The following PCGF2 variants were observed in gnomAD, a reference collection of about 807,000 sequenced individuals.
PCGF2 encodes the protein polycomb group RING finger protein 2.
A neutral mutation model predicts 36.1 loss-of-function variants in PCGF2; 8 were observed. That is an observed-to-expected ratio of 0.22 (90% CI 0.13 to 0.40). The LOEUF is 0.40. Among genes scored for constraint, PCGF2 ranks in the 10% least tolerant of loss-of-function variants. The probability of loss-of-function intolerance (pLI) is 1.00; values close to 1 mark genes in which losing one functional copy is unlikely to be tolerated. For missense variants in PCGF2, 436 were observed against 475.9 expected, an observed-to-expected ratio of 0.92 and a Z score of 0.78; for synonymous variants, 198 against 191.2, an observed-to-expected ratio of 1.04 and a Z score of -0.29.
In PCGF2 at chr17:38,738,743, C is replaced by T; in HGVS notation, c.425+10G>A. 1 of 1,609,600 alleles carries T rather than the reference C, an allele frequency of 6.2e-7. No individual in the cohort carries two copies. The highest frequency in any genetic ancestry group is 8.5e-7 in the Non-Finnish European group (1 of 1,175,940). On this transcript the variant is annotated intron_variant, in intron 7 of 10. Coordinates refer to ENST00000620225, the MANE Select transcript of PCGF2 (RefSeq NM_007144.3). Reference sequence around the variant, plus strand: ...GGAACCCAGAAGGGGCCAGCCTGGGCCAGACTTGCCTGGCACCTTCGTAGA... The same window carrying T: ...GGAACCCAGAAGGGGCCAGCCTGGGTCAGACTTGCCTGGCACCTTCGTAGA...
intron 2 of PCGF2, among the ~76,000 whole-genome samples, chr17:38,743,023 C>T (rs1465458683): frequency 5.3e-5 from 8 of 152,146 alleles, no homozygotes; most frequent in Admixed American, 5.2e-4. Flanking sequence ...CATGTAGGCT[C>T]CGCACACTTC....
chr17:38,735,957 G>T, intron 10 of PCGF2, 133 bp downstream of exon 10: 1 of 705,226 alleles, frequency 1.4e-6, no homozygotes, highest in Non-Finnish European at 2.5e-6. Flanking sequence ...GCTGTAGCAA[G>T]CCACCCTGGA....
chr17:38,743,322 C>A (rs1907324769), intron 2 of PCGF2, among the ~76,000 whole-genome samples: 2 of 151,118 alleles, frequency 1.3e-5, no homozygotes, highest in Non-Finnish European at 2.9e-5. Context: ...AACTCCTGGC[C>A]TCAAGTGATC....
chr17:38,742,217 A>C (rs1907247743), intron 2 of PCGF2, among the ~76,000 whole-genome samples: 1 of 152,126 alleles, frequency 6.6e-6, no homozygotes, highest in African/African-American at 2.4e-5. Flanking sequence ...TCTTTCCCAG[A>C]GTAAAAGCCC....
At chr17:38,745,352 A>G (rs972792049) in intron 2 of PCGF2, among the ~76,000 whole-genome samples, 2 of 152,062 alleles carry the variant, frequency 1.3e-5, no homozygotes, top group Non-Finnish European at 2.9e-5. Flanking sequence ...ACAAAAATAC[A>G]AAAATTAGCG....
chr17:38,736,040 G>T, intron 10 of PCGF2, 50 bp downstream of exon 10: 1 of 1,266,592 alleles, frequency 7.9e-7, no homozygotes, highest in Non-Finnish European at 1.1e-6. Flanking sequence ...ACAGACCTAT[G>T]CCAGACCCTG....
intron 3 of PCGF2, 89 bp downstream of exon 3, chr17:38,740,202 G>T: frequency 1.7e-6 from 2 of 1,204,760 alleles, no homozygotes; most frequent in Admixed American, 1.9e-5. Context: ...TAGGGCAAGG[G>T]TTTGCGTGCT....
chr17:38,744,501 G>A (rs762195712), intron 2 of PCGF2, among the ~76,000 whole-genome samples: 77 of 152,090 alleles, frequency 5.1e-4, no homozygotes, highest in Non-Finnish European at 5.9e-4. Context: ...GAATACAGGC[G>A]TGTGCCACCA....
chr17:38,749,289 G>A, upstream of PCGF2: 1 of 209,038 alleles, frequency 4.8e-6, no homozygotes. This position sits in a 1 kb window ranked among gnomAD's most constrained non-coding sequence, Gnocchi z 6.5. Flanking sequence ...GCGCCTCCCT[G>A]GGCGCGCGGG....
At chr17:38,746,918 A>T (rs1438787814) in intron 2 of PCGF2, among the ~76,000 whole-genome samples, 3 of 151,886 alleles carry the variant, frequency 2.0e-5, no homozygotes, top group African/African-American at 7.3e-5. Context: ...TGAAGGGGGG[A>T]GGGAGGAGAG....
intron 2 of PCGF2, among the ~76,000 whole-genome samples, chr17:38,743,895 C>A (rs1907369991): frequency 6.6e-6 from 1 of 152,088 alleles, no homozygotes; most frequent in South Asian, 2.1e-4. Flanking sequence ...ACTGGAAATC[C>A]AGCTGTCATT....
At chr17:38,737,418 A>G (rs988623629) in intron 9 of PCGF2, among the ~76,000 whole-genome samples, 3 of 151,236 alleles carry the variant, frequency 2.0e-5, no homozygotes, top group Non-Finnish European at 4.4e-5. Flanking sequence ...AGCCAAGATG[A>G]TGCCACTGCA....
rs752652614 is a variant in PCGF2, at chr17:38,739,144, CAG to C, written c.266-28_266-27del. 6.2e-7 allele frequency: 1 copy of C among 1,614,070 alleles called. No individual in the cohort carries two copies. Among genetic ancestry groups the C allele is most frequent in the Non-Finnish European group, 8.5e-7 (1 of 1,179,982 alleles). ...CTGGAAGAAGGCAGCAGGATGAGGA[CAG>C]GGCCATGGGTTGGGAAATGGGGTCA... On this transcript the variant is annotated intron_variant, in intron 5 of 10. Transcript: ENST00000620225. The surrounding 1 kb of genome is among the most constrained non-coding windows in gnomAD (Gnocchi z 4.0).
At chr17:38,738,945 G>A (rs912452623) in intron 6 of PCGF2, 84 bp from the exon 7 acceptor site, 12 of 1,536,104 alleles carry the variant, frequency 7.8e-6, no homozygotes, top group Non-Finnish European at 1.1e-5. Flanking sequence ...ACTCAGCCAG[G>A]TGAGCCCAGC....
chr17:38,743,256 ATTTT>A (rs71138649), intron 2 of PCGF2, among the ~76,000 whole-genome samples: 1 of 140,476 alleles, frequency 7.1e-6, no homozygotes. Flanking sequence ...ACACTGGCTA[ATTTT>A]TTTTTTTTTT....
chr17:38,740,250 G>C (rs1453722158), intron 3 of PCGF2, 41 bp downstream of exon 3: 1 of 1,579,008 alleles, frequency 6.3e-7, no homozygotes, highest in Non-Finnish European at 8.7e-7. Context: ...TCTGGGCACA[G>C]AGGCTGCCCA....
chr17:38,744,986 G>A (rs915401396), intron 2 of PCGF2, among the ~76,000 whole-genome samples: 7 of 152,174 alleles, frequency 4.6e-5, no homozygotes, highest in Non-Finnish European at 8.8e-5. Flanking sequence ...AGGCCAAGGC[G>A]GATGGATCAT....
chr17:38,742,069 C>A (rs1907235617), intron 2 of PCGF2, among the ~76,000 whole-genome samples: 1 of 152,236 alleles, frequency 6.6e-6, no homozygotes, highest in Non-Finnish European at 1.5e-5. Context: ...TGTCCCCAGA[C>A]CGCCTGCTCG....
intron 2 of PCGF2, among the ~76,000 whole-genome samples, chr17:38,742,079 G>A (rs71384268): frequency 2.8e-4 from 42 of 152,292 alleles, no homozygotes; most frequent in African/African-American, 9.4e-4. Context: ...CCGCCTGCTC[G>A]ACACCAGCCA....
Sources: gnomAD v4.1 joint callset for allele counts (sites outside exome capture counted in the v4.1 genomes callset) on GRCh38, gnomAD v4.1.1 for gene constraint, Gnocchi (gnomAD v3.1) non-coding constraint, MANE v1.5 for transcripts, NCBI Gene and HGNC (gene_info 2026-07-23, HGNC 2026-07-21) for gene names.